The following KIAA1549 variants were observed in gnomAD, a reference collection of about 807,000 sequenced individuals.
The protein encoded by KIAA1549 is UPF0606 protein KIAA1549.
KIAA1549 carries 70 observed loss-of-function variants against 156.4 expected under a neutral mutation model. The ratio of observed to expected loss-of-function variants is 0.45; its 90% CI spans 0.37 to 0.55. KIAA1549 has a LOEUF of 0.55. KIAA1549 is among the 20% of genes least tolerant of loss of function. The pLI is 0.00. For synonymous variants in KIAA1549, 1,103 were observed against 1,066.4 expected (o/e 1.03, Z -0.67); for missense variants, 2,428 against 2,540.9 (o/e 0.96, Z 0.96).
chr7:138,860,530 T>C (rs1422891457), intron 16 of KIAA1549, among the ~76,000 whole-genome samples: 1 of 152,218 alleles, frequency 6.6e-6, no homozygotes, highest in Non-Finnish European at 1.5e-5. Flanking sequence ...CTTTACTTCC[T>C]TGAGTTTTAC....
intron 2 of KIAA1549, 115 bp from the exon 3 acceptor site, chr7:138,912,575 T>A (rs1812200662): frequency 1.2e-6 from 1 of 828,822 alleles, no homozygotes. Flanking sequence ...CAAAAGTCTT[T>A]TTGTAAAATA....
intron 1 of KIAA1549, among the ~76,000 whole-genome samples, chr7:138,956,420 C>G (rs538107315): frequency 6.6e-5 from 10 of 152,166 alleles, no homozygotes; most frequent in Admixed American, 6.5e-4. Flanking sequence ...CTGTGTCCCA[C>G]CCAAATCTCA....
chr7:138,962,747 C>T (rs894559126), intron 1 of KIAA1549, among the ~76,000 whole-genome samples: 9 of 152,102 alleles, frequency 5.9e-5, no homozygotes, highest in African/African-American at 1.9e-4. Flanking sequence ...ATTCCTGACC[C>T]GCAGAATCAT....
Position 138,977,707 on chromosome 7 carries a change from CT to C in KIAA1549, c.187+3375del, listed in dbSNP as rs145324723. On this transcript the variant is annotated intron_variant, in intron 1 of 19. Transcript: ENST00000422774. ...ACACGGAAAGAAACATGCACAAAGC[CT>C]TTTTTTTTTGAGACGGAGTCTTGCT... is the stretch of plus-strand genomic sequence containing the variant. Among the ~76,000 whole-genome samples, 13 of 147,348 alleles carry C rather than the reference CT, an allele frequency of 8.8e-5. No homozygotes were observed. In the South Asian group the frequency reaches 1.3e-3, roughly 15 times the overall value.
At chr7:138,974,575 C>T (rs1814315785) in intron 1 of KIAA1549, among the ~76,000 whole-genome samples, 1 of 151,900 alleles carries the variant, frequency 6.6e-6, no homozygotes, top group African/African-American at 2.4e-5. Context: ...GCACCCACTA[C>T]CATGCCTGGC....
chr7:138,866,063 ACACAG>A (rs1810730711), intron 15 of KIAA1549, among the ~76,000 whole-genome samples: 1 of 152,164 alleles, frequency 6.6e-6, no homozygotes, highest in Non-Finnish European at 1.5e-5. Context: ...CCAGAACCCA[ACACAG>A]CACAAGAGCA....
chr7:138,950,744 G>A (rs888518535), intron 1 of KIAA1549, among the ~76,000 whole-genome samples: 1 of 152,170 alleles, frequency 6.6e-6, no homozygotes, highest in African/African-American at 2.4e-5. Flanking sequence ...GTATGTCTTG[G>A]TATGGGGGTT....
In KIAA1549 at chr7:138,837,204, G is replaced by T; in HGVS notation, c.*702C>A. The T allele has an allele frequency of 4.4e-6, 1 of 226,118 alleles. No individual in the cohort carries two copies. The allele number at this position is 226,118 out of a possible 1,614,324, so 14.0% of individuals were successfully genotyped here. On this transcript the variant is annotated 3_prime_UTR_variant, in exon 20 of 20. Coordinates refer to ENST00000422774, the MANE Select transcript of KIAA1549 (RefSeq NM_001164665.2). ...GGATTTTTTTTTTCTAGAACAAAAT[G>T]AAACCTTCAACATATTCTTCCACTG...
Position 138,909,015 on chromosome 7 carries a change from C to G in KIAA1549, c.3252G>C (p.Gln1084His), listed in dbSNP as rs1812091049. 1 of 1,614,028 alleles carries G rather than the reference C, an allele frequency of 6.2e-7. No individual in the cohort carries two copies. Among genetic ancestry groups the G allele is most frequent in the Non-Finnish European group, 8.5e-7 (1 of 1,179,896 alleles). ...TALFEVRKHHQGTYNLTVQIL... is the reference protein window; with the variant it reads ...TALFEVRKHHHGTYNLTVQIL... ...CCTGCACCGTGAGGTTATACGTTCC[C>G]TGGTGGTGTTTTCTCACTTCAAAGA... The change falls in exon 5 of 20, where the codon CAG (glutamine) becomes CAC (histidine). Residue 1084 changes from glutamine to histidine, a missense_variant. Gln to His is a conservative substitution (Grantham distance 24). Around this residue, in one of 5 missense-constraint regions of KIAA1549, gnomAD observed 762 missense variants for 901.6 expected, o/e 0.85. Coordinates refer to ENST00000422774, the MANE Select transcript of KIAA1549 (RefSeq NM_001164665.2).
At chr7:138,895,967 A>ACCC (rs1811672785) in intron 9 of KIAA1549, among the ~76,000 whole-genome samples, 1 of 147,230 alleles carries the variant, frequency 6.8e-6, no homozygotes, top group Non-Finnish European at 1.5e-5. Flanking sequence ...CTGCTGCCAC[A>ACCC]CCCACCCCAC....
chr7:138,906,972 C>G lies in KIAA1549; in HGVS notation c.3407G>C (p.Ser1136Thr), dbSNP rs1248232219. The change falls in exon 6 of 20, where the codon AGT becomes ACT. Residue 1136 changes from serine (S) to threonine (T), a missense_variant. Ser to Thr is a moderately conservative substitution (Grantham distance 58, BLOSUM62 1). Around this residue, in one of 5 missense-constraint regions of KIAA1549, gnomAD observed 762 missense variants for 901.6 expected, o/e 0.85. Transcript: ENST00000422774. ...SEVSELLRNL[S>T]VVEFSFYLGY... ...CAGATAGAAACTGAACTCCACCACA[C>G]TCAAGTTTCTGAGCAGCTCGCTCAC... is the stretch of plus-strand genomic sequence containing the variant. The G allele has an allele frequency of 2.5e-6, 4 of 1,613,096 alleles. No homozygotes were observed. The South Asian group carries it at 4.4e-5, about 18-fold the overall frequency.
At chr7:138,877,478 GA>G (rs1244865466) in intron 12 of KIAA1549, among the ~76,000 whole-genome samples, 4 of 152,100 alleles carry the variant, frequency 2.6e-5, no homozygotes, top group African/African-American at 4.8e-5. Flanking sequence ...TAGGCAACAG[GA>G]AGAGACTCTG....
chr7:138,903,848 TGTGTGCGCGC>T (rs1389642379), intron 7 of KIAA1549, 112 bp from the exon 8 acceptor site: 31 of 341,128 alleles, frequency 9.1e-5, no homozygotes, highest in East Asian at 2.8e-4. Flanking sequence ...TGTGTGTGTG[TGTGTGCGCGC>T]GCGCGCGCGC....
chr7:138,898,089 A>G (rs531980798), intron 9 of KIAA1549, among the ~76,000 whole-genome samples: 1 of 151,644 alleles, frequency 6.6e-6, no homozygotes, highest in African/African-American at 2.4e-5. Flanking sequence ...CAGGCAGATC[A>G]CAAGGTCAAG....
chr7:138,936,920 C>T (rs1813030279), intron 1 of KIAA1549, among the ~76,000 whole-genome samples: 1 of 152,154 alleles, frequency 6.6e-6, no homozygotes, highest in Non-Finnish European at 1.5e-5. Flanking sequence ...TCTATCCCCT[C>T]CAATCCATCT....
chr7:138,864,650 T>C (rs1810681205), intron 15 of KIAA1549, among the ~76,000 whole-genome samples: 1 of 152,224 alleles, frequency 6.6e-6, no homozygotes, highest in Non-Finnish European at 1.5e-5. Context: ...TATTTAGCAG[T>C]CCTTTGTGGG....
intron 1 of KIAA1549, among the ~76,000 whole-genome samples, chr7:138,962,320 G>A (rs1322840598): frequency 1.3e-5 from 2 of 152,120 alleles, no homozygotes; most frequent in Admixed American, 1.3e-4. Context: ...ACCATTTTGT[G>A]CTTATGGTAG....
At chr7:138,955,431 T>C (rs1013402367) in intron 1 of KIAA1549, among the ~76,000 whole-genome samples, 9 of 152,076 alleles carry the variant, frequency 5.9e-5, no homozygotes, top group South Asian at 2.1e-4. Flanking sequence ...GTCAAATTCA[T>C]AGAGACAGAA....
chr7:138,911,021 G>C lies in KIAA1549; in HGVS notation c.3145+125C>G, dbSNP rs908230447. On this transcript the variant is annotated intron_variant, in intron 4 of 19. Coordinates refer to ENST00000422774, the MANE Select transcript of KIAA1549 (RefSeq NM_001164665.2). ...CATTCCAGCCTGGGCAACAGACTGA[G>C]ATCCTGTCTCTAAAAATCATCATCA... The C allele has an allele frequency of 5.1e-6, 4 of 789,060 alleles. No individual in the cohort carries two copies. The Admixed American group carries it at 1.2e-4, about 25-fold the overall frequency. The allele number at this position is 789,060 out of a possible 1,614,324, so 48.9% of individuals were successfully genotyped here.
Sources: allele counts gnomAD v4.1 joint callset (sites outside exome capture counted in the v4.1 genomes callset), GRCh38; gene constraint gnomAD v4.1.1; regional missense constraint gnomAD v4.1.1; transcripts MANE v1.5; gene names NCBI Gene and HGNC (gene_info 2026-07-23, HGNC 2026-07-21).